Variants in LRRTM4 observed in about 807,000 individuals in gnomAD.
The protein encoded by LRRTM4 is leucine-rich repeat transmembrane neuronal protein 4.
In LRRTM4, 25 loss-of-function variants were observed where a neutral mutation model predicts 47.6. That is an observed-to-expected ratio of 0.53 (90% confidence interval 0.38 to 0.73). The LOEUF (loss-of-function observed/expected upper bound fraction) is 0.73. LRRTM4 is among the 30% of genes least tolerant of loss of function. The pLI, the probability that LRRTM4 is intolerant of heterozygous loss-of-function variation, is 0.00. For missense variants in LRRTM4, 638 were observed against 713.4 expected (o/e 0.89, Z 1.20); for synonymous variants, 311 against 269.5 (o/e 1.15, Z -1.51).
intron 3 of LRRTM4, among the ~76,000 whole-genome samples, chr2:77,235,823 G>A (rs1675089355): frequency 6.6e-6 from 1 of 152,108 alleles, no homozygotes; most frequent in East Asian, 1.9e-4. Flanking sequence ...TCAGATGGCT[G>A]TAGGCGTGCA....
chr2:76,854,080 A>G (rs1032354593), intron 3 of LRRTM4, among the ~76,000 whole-genome samples: 1 of 152,160 alleles, frequency 6.6e-6, no homozygotes, highest in Non-Finnish European at 1.5e-5. Flanking sequence ...TACAGATTTT[A>G]TAATCCCCTT....
chr2:77,042,947 G>A (rs953628519), intron 3 of LRRTM4, among the ~76,000 whole-genome samples: 15 of 150,176 alleles, frequency 1.0e-4, no homozygotes, highest in African/African-American at 3.7e-4. Context: ...GAGTTATCAG[G>A]GTGAAGAGTT....
intron 3 of LRRTM4, among the ~76,000 whole-genome samples, chr2:77,202,046 T>C (rs1673991024): frequency 6.6e-6 from 1 of 152,160 alleles, no homozygotes; most frequent in Non-Finnish European, 1.5e-5. Context: ...CCCGGCATTG[T>C]GCAGGTGCTC....
chr2:76,826,451 G>T (rs1015035687), intron 3 of LRRTM4, among the ~76,000 whole-genome samples: 1 of 151,478 alleles, frequency 6.6e-6, no homozygotes, highest in Admixed American at 6.6e-5. Context: ...ACTATTAAGG[G>T]CAACACTGAG....
chr2:77,337,618 C>G (rs1476822601), intron 3 of LRRTM4, among the ~76,000 whole-genome samples: 3 of 152,052 alleles, frequency 2.0e-5, no homozygotes, highest in Admixed American at 6.6e-5. Context: ...TTCCTGCCAC[C>G]TTGTGAAGAA....
At chr2:77,170,623 C>A (rs1673019679) in intron 3 of LRRTM4, among the ~76,000 whole-genome samples, 1 of 152,026 alleles carries the variant, frequency 6.6e-6, no homozygotes, top group South Asian at 2.1e-4. Flanking sequence ...GGTCATTTTT[C>A]CAAAGAGAGT....
chr2:77,191,007 C>T (rs143182308), intron 3 of LRRTM4, among the ~76,000 whole-genome samples: 198 of 152,092 alleles, frequency 1.3e-3, no homozygotes, highest in African/African-American at 4.5e-3. Flanking sequence ...AAATTAACTG[C>T]AATTAATTTT....
intron 3 of LRRTM4, among the ~76,000 whole-genome samples, chr2:77,352,565 T>A (rs1204557989): frequency 6.6e-6 from 1 of 152,126 alleles, no homozygotes; most frequent in Non-Finnish European, 1.5e-5. Context: ...TCCAGGTGTT[T>A]TCATTTGAGG....
At chr2:77,007,872 A>G (rs538946447) in intron 3 of LRRTM4, among the ~76,000 whole-genome samples, 1 of 152,270 alleles carries the variant, frequency 6.6e-6, no homozygotes, top group South Asian at 2.1e-4. Flanking sequence ...AACAAAAGAC[A>G]TGGCAAAGGT....
intron 3 of LRRTM4, among the ~76,000 whole-genome samples, chr2:77,237,420 C>A (rs1452306953): frequency 6.6e-6 from 1 of 151,876 alleles, no homozygotes; most frequent in Non-Finnish European, 1.5e-5. Context: ...TCTGATTGTG[C>A]TTATTTTGAT....
At chr2:77,138,386 G>A (rs556089536) in intron 3 of LRRTM4, among the ~76,000 whole-genome samples, 37 of 152,216 alleles carry the variant, frequency 2.4e-4, no homozygotes, top group African/African-American at 7.5e-4. Flanking sequence ...GGTACATAAC[G>A]AAATGAAGGC....
chr2:76,769,613 C>T (rs182738136), intron 3 of LRRTM4, among the ~76,000 whole-genome samples: 2 of 152,112 alleles, frequency 1.3e-5, no homozygotes, highest in South Asian at 2.1e-4. Context: ...TCACATTGGT[C>T]CACCTACTGT....
intron 3 of LRRTM4, among the ~76,000 whole-genome samples, chr2:76,988,157 C>G (rs1182130395): frequency 6.6e-6 from 1 of 151,662 alleles, no homozygotes; most frequent in Non-Finnish European, 1.5e-5. Context: ...TTGTGTTTTC[C>G]AGTCTGCAGC....
intron 3 of LRRTM4, among the ~76,000 whole-genome samples, chr2:76,769,413 C>T (rs945028900): frequency 7.9e-5 from 12 of 151,956 alleles, no homozygotes; most frequent in Non-Finnish European, 1.8e-4. Context: ...TTTCTGTGAA[C>T]ACAAACTTCT....
intron 3 of LRRTM4, among the ~76,000 whole-genome samples, chr2:76,900,406 T>C (rs539129036): frequency 3.2e-3 from 416 of 128,160 alleles, no homozygotes; most frequent in Non-Finnish European, 5.1e-3. Context: ...TTCATGCTTA[T>C]CTCTATTCTT....
intron 3 of LRRTM4, among the ~76,000 whole-genome samples, chr2:76,940,597 T>A (rs2103859485): frequency 6.6e-6 from 1 of 152,284 alleles, no homozygotes; most frequent in African/African-American, 2.4e-5. Flanking sequence ...GACACGAGTT[T>A]ACCTATAGAA....
At chr2:77,502,867 G>C (rs1448313741) in intron 3 of LRRTM4, among the ~76,000 whole-genome samples, 1 of 151,474 alleles carries the variant, frequency 6.6e-6, no homozygotes, top group Non-Finnish European at 1.5e-5. Context: ...ATTATATGGA[G>C]GTGAATAGTA....
At chr2:77,034,030 A>T (rs1678753564) in intron 3 of LRRTM4, among the ~76,000 whole-genome samples, 1 of 151,750 alleles carries the variant, frequency 6.6e-6, no homozygotes, top group African/African-American at 2.4e-5. Flanking sequence ...TATTATTGAT[A>T]ATTAAATACT....
intron 3 of LRRTM4, among the ~76,000 whole-genome samples, chr2:77,246,999 C>T (rs990882646): frequency 4.6e-5 from 7 of 152,092 alleles, no homozygotes; most frequent in African/African-American, 1.7e-4. Flanking sequence ...TTTATATTTA[C>T]ACCCATAAAT....
Sources: allele counts gnomAD v4.1 joint callset (sites outside exome capture counted in the v4.1 genomes callset), GRCh38; gene constraint gnomAD v4.1.1; transcripts MANE v1.5; gene names NCBI Gene and HGNC (gene_info 2026-07-23, HGNC 2026-07-21).